IQGAP2: variants seen among roughly 807,000 people sequenced by gnomAD.
The protein encoded by IQGAP2 is ras GTPase-activating-like protein IQGAP2.
A neutral mutation model predicts 201.3 loss-of-function variants in IQGAP2; 173 were observed. That is an observed-to-expected ratio of 0.86 (90% CI 0.76 to 0.98). IQGAP2 has a LOEUF of 0.98. IQGAP2 is among the 50% of genes least tolerant of loss of function. IQGAP2 has a pLI of 0.00. For missense variants in IQGAP2, 1,687 were observed against 1,864.8 expected (o/e 0.90, Z 1.76); for synonymous variants, 675 against 673.9 (o/e 1.00, Z -0.03).
chr5:76,442,562 C>T (rs142792653), intron 1 of IQGAP2, among the ~76,000 whole-genome samples: 13 of 152,330 alleles, frequency 8.5e-5, no homozygotes, highest in African/African-American at 2.9e-4. Flanking sequence ...TGAGGACGCA[C>T]CTGGTCACTC....
chr5:76,472,311 G>A (rs1386932208), intron 2 of IQGAP2, among the ~76,000 whole-genome samples: 1 of 152,226 alleles, frequency 6.6e-6, no homozygotes, highest in African/African-American at 2.4e-5. Flanking sequence ...CGTGGCACAG[G>A]AATAGACGTG....
At chr5:76,411,738 A>G (rs926316681) in intron 1 of IQGAP2, among the ~76,000 whole-genome samples, 1 of 152,234 alleles carries the variant, frequency 6.6e-6, no homozygotes, top group Non-Finnish European at 1.5e-5. Flanking sequence ...TCTGTTCATC[A>G]TAAATGACCC....
At chr5:76,655,111 C>A in intron 20 of IQGAP2, 108 bp downstream of exon 20, 1 of 717,642 alleles carries the variant, frequency 1.4e-6, no homozygotes, top group East Asian at 2.6e-5. Flanking sequence ...AGAGGATACC[C>A]ATTGTTTCCA....
chr5:76,409,770 C>T (rs1226355937), intron 1 of IQGAP2, among the ~76,000 whole-genome samples: 2 of 119,452 alleles, frequency 1.7e-5, no homozygotes, highest in Non-Finnish European at 4.0e-5. Flanking sequence ...GAAATAGAAA[C>T]TTTAGTAGTG....
chr5:76,422,665 C>G (rs994007998), intron 1 of IQGAP2, among the ~76,000 whole-genome samples: 1 of 152,178 alleles, frequency 6.6e-6, no homozygotes, highest in African/African-American at 2.4e-5. Context: ...CTGTCTCTGG[C>G]TCCCTTGTGC....
intron 2 of IQGAP2, among the ~76,000 whole-genome samples, chr5:76,497,885 G>C (rs982229605): frequency 1.3e-5 from 2 of 152,136 alleles, no homozygotes; most frequent in Non-Finnish European, 2.9e-5. Flanking sequence ...TTTTTCTGCT[G>C]TACACAGGTG....
At chr5:76,505,409 G>A (rs1027666723) in intron 2 of IQGAP2, among the ~76,000 whole-genome samples, 1 of 152,200 alleles carries the variant, frequency 6.6e-6, no homozygotes, top group Non-Finnish European at 1.5e-5. Context: ...CTTCCTTGAG[G>A]GAGAGACAGT....
intron 28 of IQGAP2, among the ~76,000 whole-genome samples, 200 bp from the exon 29 acceptor site, chr5:76,682,915 C>A (rs1423064677): frequency 6.6e-6 from 1 of 152,088 alleles, no homozygotes; most frequent in Non-Finnish European, 1.5e-5. Flanking sequence ...ACGTTTCTTG[C>A]AACAATTTCT....
intron 9 of IQGAP2, among the ~76,000 whole-genome samples, chr5:76,594,989 T>A (rs1746914735): frequency 6.9e-6 from 1 of 144,808 alleles, no homozygotes; most frequent in African/African-American, 2.6e-5. Flanking sequence ...AAAAAAAAAG[T>A]AAGAATCATT....
At chr5:76,581,714 C>T (rs768191545) in intron 5 of IQGAP2, among the ~76,000 whole-genome samples, 4 of 152,152 alleles carry the variant, frequency 2.6e-5, no homozygotes, top group Admixed American at 6.5e-5. Flanking sequence ...ACTAATTTCT[C>T]TATGATAAGG....
intron 2 of IQGAP2, among the ~76,000 whole-genome samples, chr5:76,485,167 G>T (rs1019454703): frequency 1.3e-5 from 2 of 152,066 alleles, no homozygotes; most frequent in African/African-American, 2.4e-5. Flanking sequence ...ACACCTCGAG[G>T]TAGGGTGCGA....
intron 18 of IQGAP2, among the ~76,000 whole-genome samples, chr5:76,653,506 C>T (rs942197103): frequency 2.0e-5 from 3 of 152,190 alleles, no homozygotes; most frequent in African/African-American, 7.2e-5. Context: ...CCTGTAATCT[C>T]AGCACTTTGG....
At chr5:76,473,223 T>C (rs981639445) in intron 2 of IQGAP2, among the ~76,000 whole-genome samples, 1 of 152,234 alleles carries the variant, frequency 6.6e-6, no homozygotes, top group African/African-American at 2.4e-5. Flanking sequence ...TTAGGTTCTA[T>C]ATGGGCTAGT....
chr5:76,428,790 TA>T (rs11370155), intron 1 of IQGAP2, among the ~76,000 whole-genome samples: 11 of 144,140 alleles, frequency 7.6e-5, no homozygotes, highest in African/African-American at 2.0e-4. Flanking sequence ...CCAACTTACT[TA>T]AAAAAAAAAA....
intron 1 of IQGAP2, among the ~76,000 whole-genome samples, chr5:76,417,846 T>A (rs1751500055): frequency 6.6e-6 from 1 of 151,758 alleles, no homozygotes; most frequent in African/African-American, 2.4e-5. Context: ...CCTCCTAAAG[T>A]GCTGGGATTA....
intron 17 of IQGAP2, 54 bp from the exon 18 acceptor site, chr5:76,652,696 G>A: frequency 1.6e-6 from 2 of 1,279,616 alleles, no homozygotes; most frequent in Non-Finnish European, 1.1e-6. Context: ...GCACTTCCTA[G>A]ATAAATTGGG....
chr5:76,438,432 G>A (rs1752838986), intron 1 of IQGAP2, among the ~76,000 whole-genome samples: 1 of 125,056 alleles, frequency 8.0e-6, no homozygotes, highest in Admixed American at 9.4e-5. Context: ...TGGTTGTTAT[G>A]GGCTTCATTT....
At chr5:76,443,391 C>T (rs7700783) in intron 1 of IQGAP2, among the ~76,000 whole-genome samples, 14,453 of 151,438 alleles carry the variant, frequency 0.095, 1,751 homozygotes, top group African/African-American at 0.29. Flanking sequence ...GAGGATGAGA[C>T]GGGAAGATCA....
At chr5:76,658,324 T>C in intron 20 of IQGAP2, 135 bp from the exon 21 acceptor site, 1 of 723,676 alleles carries the variant, frequency 1.4e-6, no homozygotes, top group Non-Finnish European at 2.4e-6. Flanking sequence ...TGGGGGTGGG[T>C]AGAATGATTC....
Sources: allele counts gnomAD v4.1 joint callset (sites outside exome capture counted in the v4.1 genomes callset), GRCh38; gene constraint gnomAD v4.1.1; transcripts MANE v1.5; gene names NCBI Gene and HGNC (gene_info 2026-07-23, HGNC 2026-07-21).